Variants in C5orf34 observed in about 807,000 individuals in gnomAD.
C5orf34 encodes chromosome 5 open reading frame 34, also known as uncharacterized protein C5orf34.
C5orf34 carries 73 observed loss-of-function variants against 78.4 expected under a neutral mutation model. The ratio of observed to expected loss-of-function variants is 0.93; its 90% CI spans 0.77 to 1.13. The LOEUF (loss-of-function observed/expected upper bound fraction) is 1.13. Among genes scored for constraint, C5orf34 ranks in the 50% most tolerant of loss-of-function variants. C5orf34 has a pLI of 0.00. For synonymous variants in C5orf34, 251 were observed against 246.6 expected (o/e 1.02, Z -0.17); for missense variants, 730 against 732.7 (o/e 1.00, Z 0.04).
At chr5:43,508,844 G>A (rs548455789) in intron 2 of C5orf34, among the ~76,000 whole-genome samples, 178 bp from the exon 3 acceptor site, 12 of 152,298 alleles carry the variant, frequency 7.9e-5, no homozygotes, top group African/African-American at 2.2e-4. Flanking sequence ...CTGTAATCCT[G>A]GCATAATGGG....
At chr5:43,503,590 A>G (rs953426499) in intron 5 of C5orf34, 75 bp downstream of exon 5, 14 of 959,942 alleles carry the variant, frequency 1.5e-5, no homozygotes, top group Non-Finnish European at 2.4e-5. Context: ...TCTGTCTATA[A>G]GGCTCGTCCC....
chr5:43,508,644 T>C lies in C5orf34; in HGVS notation c.218A>G (p.Asp73Gly). Residue 73 changes from aspartate (D) to glycine (G), a missense_variant, in exon 3 of 13, where the codon GAT becomes GGT. Physicochemically the swap from Asp to Gly is moderately conservative, Grantham distance 94. Transcript: ENST00000306862. ...TYREQLQRAL[D>G]FRNSSATCPF... Reference sequence around the variant, plus strand: ...GCAAGTAGCTGAAGAGTTTCGAAAATCTAGGGCTCGCTGTAGTTGCTCCTA... The same window carrying C: ...GCAAGTAGCTGAAGAGTTTCGAAAACCTAGGGCTCGCTGTAGTTGCTCCTA... The C allele has an allele frequency of 6.2e-7, 1 of 1,607,262 alleles. No individual in the cohort carries two copies. The highest frequency in any genetic ancestry group is 8.5e-7 in the Non-Finnish European group (1 of 1,174,020).
At position 43,507,849 on chromosome 5, in the gene C5orf34, C is replaced by T. The variant is rs985423591; in HGVS notation, c.285+728G>A. 5.9e-5 allele frequency among the ~76,000 whole-genome samples: 9 copies of T among 151,972 alleles called. No homozygotes were observed. In the South Asian group the frequency reaches 6.2e-4, roughly 11 times the overall value. ...ATCCCAGCACTTTGGGAGGCTGAGGCGGGCGGATCACGAGGTCAGGAGATC... is the reference window on the plus strand; with the variant it reads ...ATCCCAGCACTTTGGGAGGCTGAGGTGGGCGGATCACGAGGTCAGGAGATC... On this transcript the variant is annotated intron_variant, in intron 3 of 12. Coordinates refer to ENST00000306862, the MANE Select transcript of C5orf34 (RefSeq NM_198566.4).
In C5orf34 at chr5:43,510,808, C is replaced by T. The variant is rs539686132; in HGVS notation, c.-36-1433G>A. Among the ~76,000 whole-genome samples, 20 of 152,362 alleles carry T rather than the reference C, an allele frequency of 1.3e-4. No homozygotes were observed. In the East Asian group the frequency reaches 3.9e-3, roughly 29 times the overall value. ...GCTAGCTACAACCTCCACCTCCCAG[C>T]CGCCTGCCTTGGCCTCCCAAAGTGC... On this transcript the variant is annotated intron_variant, in intron 1 of 12. Coordinates refer to ENST00000306862, the MANE Select transcript of C5orf34 (RefSeq NM_198566.4).
chr5:43,511,498 CT>C (rs1366730257), intron 1 of C5orf34, among the ~76,000 whole-genome samples: 2 of 152,212 alleles, frequency 1.3e-5, no homozygotes, highest in Non-Finnish European at 2.9e-5. Flanking sequence ...TGAGGAGCCC[CT>C]CTGCCCGGCC....
In C5orf34 at chr5:43,503,778, C is replaced by T. The variant is rs1186032454; in HGVS notation, c.933-18G>A. 1 of 1,493,098 alleles carries T rather than the reference C, an allele frequency of 6.7e-7. No individual in the cohort carries two copies. Among genetic ancestry groups the T allele is most frequent in the East Asian group, 2.3e-5 (1 of 44,228 alleles). The allele number at this position is 1,493,098 out of a possible 1,614,324, so 92.5% of individuals were successfully genotyped here. A position where few individuals can be genotyped will look rare whatever the true frequency, so the allele number is the denominator to read the frequency against. Reference sequence around the variant, plus strand: ...AATTCCACCTGTGAAGGATAAAATACAAGCTATTACTTCTGGTTGCTCAAT... The same window carrying T: ...AATTCCACCTGTGAAGGATAAAATATAAGCTATTACTTCTGGTTGCTCAAT... On this transcript the variant is annotated intron_variant, in intron 4 of 12. Transcript: ENST00000306862.
At chr5:43,510,312 G>A (rs541529062) in intron 1 of C5orf34, among the ~76,000 whole-genome samples, 1 of 152,090 alleles carries the variant, frequency 6.6e-6, no homozygotes, top group Non-Finnish European at 1.5e-5. Flanking sequence ...TATTATCTTG[G>A]ATTTGTCCTT....
At chr5:43,504,167 C>T (rs552467425) in intron 4 of C5orf34, among the ~76,000 whole-genome samples, 3 of 152,006 alleles carry the variant, frequency 2.0e-5, no homozygotes, top group Non-Finnish European at 2.9e-5. Context: ...AAAAATTAGG[C>T]GTAGTGGCAC....
chr5:43,496,523 C>T, intron 6 of C5orf34: 1 of 1,241,528 alleles, frequency 8.1e-7, no homozygotes, highest in Non-Finnish European at 1.1e-6. Context: ...GAAAAAAAAG[C>T]CATTTTCCCA....
In C5orf34 at chr5:43,514,787, C is replaced by T. The variant is rs1230804496; in HGVS notation, c.-37+19G>A. 1.3e-5 allele frequency: 2 copies of T among 152,190 alleles called. No individual in the cohort carries two copies. The highest frequency in any genetic ancestry group is 2.9e-5 in the Non-Finnish European group (2 of 68,046). 9.4% of individuals were successfully genotyped at this position (152,190 alleles called of 1,614,324 possible). ...AGAAGGAGCCTGATCAAAACAACCACCAAAAGTCTTCCACTCACAGCAGTT... is the reference window on the plus strand; with the variant it reads ...AGAAGGAGCCTGATCAAAACAACCATCAAAAGTCTTCCACTCACAGCAGTT... On this transcript the variant is annotated intron_variant, in intron 1 of 12. Coordinates refer to ENST00000306862, the MANE Select transcript of C5orf34 (RefSeq NM_198566.4).
At chr5:43,508,745 C>G in intron 2 of C5orf34, 79 bp from the exon 3 acceptor site, 4 of 875,380 alleles carry the variant, frequency 4.6e-6, no homozygotes, top group Non-Finnish European at 7.5e-6. Flanking sequence ...CAGTATAATC[C>G]ATAATACTAA....
At chr5:43,514,302 T>C (rs970032278) in intron 1 of C5orf34, 15 of 152,224 alleles carry the variant, frequency 9.9e-5, no homozygotes, top group African/African-American at 2.9e-4. Context: ...TACCAAGTGC[T>C]TTACATCACC....
chr5:43,491,904 T>G (rs1745298454), intron 10 of C5orf34, among the ~76,000 whole-genome samples: 1 of 150,088 alleles, frequency 6.7e-6, no homozygotes, highest in Non-Finnish European at 1.5e-5. Context: ...CTCAGGAGGC[T>G]GAGGCAGGAG....
chr5:43,512,845 C>T (rs1184401690), intron 1 of C5orf34, among the ~76,000 whole-genome samples: 1 of 131,298 alleles, frequency 7.6e-6, no homozygotes, highest in Non-Finnish European at 1.5e-5. Flanking sequence ...TAGAGTGGCG[C>T]AATCTGGGCT....
In C5orf34 at chr5:43,507,619, A is replaced by G. The variant is rs1339750285; in HGVS notation, c.285+958T>C. Reference sequence around the variant, plus strand: ...GCCACGAGACAATATAAAATTACTCAGCCGGCAGGCAAGCATCTTGACAGC... The same window carrying G: ...GCCACGAGACAATATAAAATTACTCGGCCGGCAGGCAAGCATCTTGACAGC... On this transcript the variant is annotated intron_variant, in intron 3 of 12. Transcript: ENST00000306862. Among the ~76,000 whole-genome samples the G allele has an allele frequency of 2.0e-5, 3 of 152,324 alleles. 1 individual carries two copies. Among genetic ancestry groups the G allele is most frequent in the South Asian group, 4.2e-4 (2 of 4,816 alleles).
chr5:43,509,624 T>C (rs1305167369), intron 1 of C5orf34, among the ~76,000 whole-genome samples: 2 of 152,250 alleles, frequency 1.3e-5, no homozygotes, highest in African/African-American at 4.8e-5. Context: ...ACTGTCTTTA[T>C]AATTTTAATA....
rs745325611 is a variant in C5orf34, at chr5:43,505,966, G to A, written c.714C>T (p.Val238=). The A allele has an allele frequency of 3.1e-6, 5 of 1,614,096 alleles. No individual in the cohort carries two copies. The South Asian group carries it at 4.4e-5, about 14-fold the overall frequency. The change falls in exon 4 of 13, where the codon GTC becomes GTT. Residue 238 remains valine (V), a synonymous_variant. Transcript: ENST00000306862. ...AGGCAGCCACAGACCAGCACTGCTT[G>A]ACCCATGTGTATACACATGTGTGCT... ...GTKHTCVYTW[V]KQCWSVAACP... is the part of the protein sequence containing the mutation.
Position 43,506,257 on chromosome 5 carries a change from A to G in C5orf34, c.423T>C (p.His141=), listed in dbSNP as rs1420122160. 1 of 1,614,224 alleles carries G rather than the reference A, an allele frequency of 6.2e-7. No individual in the cohort carries two copies. Among genetic ancestry groups the G allele is most frequent in the African/African-American group, 1.3e-5 (1 of 75,054 alleles). The part of the protein sequence containing the change: ...HAYLCLPRSQ[H]EFTVHFLCKV... Reference sequence around the variant, plus strand: ...TACACAAAAAATGTACTGTAAATTCATGCTGAGATCTGGGCAGGCAGAGGT... The same window carrying G: ...TACACAAAAAATGTACTGTAAATTCGTGCTGAGATCTGGGCAGGCAGAGGT... Residue 141 remains histidine, a synonymous_variant, in exon 4 of 13, where the codon CAT becomes CAC. Transcript: ENST00000306862.
intron 4 of C5orf34, among the ~76,000 whole-genome samples, chr5:43,504,433 G>C (rs1745895082): frequency 6.6e-6 from 1 of 152,204 alleles, no homozygotes. Flanking sequence ...AACATTGAGT[G>C]TAAAGAAGAG....
Sources: allele counts gnomAD v4.1 joint callset (sites outside exome capture counted in the v4.1 genomes callset), GRCh38; gene constraint gnomAD v4.1.1; transcripts MANE v1.5; gene names NCBI Gene and HGNC (gene_info 2026-07-23, HGNC 2026-07-21).